Variants in ANK1 observed in about 807,000 individuals in gnomAD.
ANK1 encodes the protein ankyrin-1.
ANK1 carries 51 observed loss-of-function variants against 210.4 expected under a neutral mutation model. The ratio of observed to expected loss-of-function variants is 0.24; its 90% CI spans 0.19 to 0.31. ANK1 has a LOEUF of 0.31. Among genes scored for constraint, ANK1 ranks in the 10% least tolerant of loss-of-function variants. ANK1 has a pLI of 1.00. For synonymous variants in ANK1, 967 were observed against 1,025.9 expected, an observed-to-expected ratio of 0.94 and a Z score of 1.10; for missense variants, 2,051 against 2,504.4, an observed-to-expected ratio of 0.82 and a Z score of 3.86.
chr8:41,668,524 G>C lies in ANK1; in HGVS notation c.5137C>G (p.Leu1713Val), dbSNP rs1028979326. 1 of 1,614,130 alleles carries C rather than the reference G, an allele frequency of 6.2e-7. No individual in the cohort carries two copies. The highest frequency in any genetic ancestry group is 1.3e-5 in the African/African-American group (1 of 75,068). The change falls in exon 39 of 43, where the codon CTG (leucine) becomes GTG (valine). Residue 1713 changes from leucine (L) to valine (V), a missense_variant. This residue lies in a region of ANK1 where 496 missense variants were observed against 533.4 expected (regional missense o/e 0.93). Coordinates refer to ENST00000289734, the MANE Select transcript of ANK1 (RefSeq NM_000037.4). ...WDADGSIVSY[L>V]QDAAQGSWQE... ...CAGGAACCTTGTGCAGCATCTTGCA[G>C]GTATGAGACAATCGAGCCGTCTGCA...
intron 37 of ANK1, among the ~76,000 whole-genome samples, chr8:41,684,287 A>T (rs1817009628): frequency 6.6e-6 from 1 of 152,242 alleles, no homozygotes; most frequent in African/African-American, 2.4e-5. Context: ...GCTGATGGCA[A>T]GGGCCTGGGG....
chr8:41,835,068 T>C (rs888466972), intron 1 of ANK1, among the ~76,000 whole-genome samples: 5 of 152,176 alleles, frequency 3.3e-5, no homozygotes, highest in African/African-American at 1.2e-4. Context: ...AGATGGCGCT[T>C]AGGAATTAGG....
chr8:41,821,153 G>A (rs1029538285), intron 1 of ANK1, among the ~76,000 whole-genome samples: 2 of 152,122 alleles, frequency 1.3e-5, no homozygotes, highest in African/African-American at 4.8e-5. Flanking sequence ...GCATATTCTG[G>A]TCTCCTAAGG....
intron 16 of ANK1, among the ~76,000 whole-genome samples, 171 bp downstream of exon 16, chr8:41,713,985 C>A (rs754550048): frequency 2.6e-5 from 4 of 152,170 alleles, no homozygotes; most frequent in Admixed American, 6.5e-5. Context: ...CCCTGAATAG[C>A]GTGATTACAG....
chr8:41,664,925 C>G (rs2150551018), intron 39 of ANK1: 1 of 1,614,274 alleles, frequency 6.2e-7, no homozygotes, highest in East Asian at 2.2e-5. Context: ...GCACAAAGCA[C>G]AGGGACCCCC....
intron 16 of ANK1, among the ~76,000 whole-genome samples, chr8:41,713,351 C>T (rs920304794): frequency 6.6e-6 from 1 of 152,220 alleles, no homozygotes; most frequent in East Asian, 1.9e-4. Flanking sequence ...TACACAGCCT[C>T]GCCTTCCCAC....
rs1212752084 is a variant in ANK1 at position 41,777,602 on chromosome 8, CAATA to C, written c.28-19469_28-19466del. ...GTCTCAAAAAAACAAAACAAAACAA[CAATA>C]AATAAAAACAAACAAACAAACAAAC... On this transcript the variant is annotated intron_variant, in intron 1 of 42. Coordinates refer to ENST00000289734, the MANE Select transcript of ANK1 (RefSeq NM_000037.4). Among the ~76,000 whole-genome samples, 35 of 150,788 alleles carry C rather than the reference CAATA, an allele frequency of 2.3e-4. 1 individual carries two copies. The highest frequency in any genetic ancestry group is 1.6e-3 in the East Asian group (8 of 5,152).
intron 1 of ANK1, among the ~76,000 whole-genome samples, chr8:41,803,994 GC>G (rs1850560529): frequency 6.6e-6 from 1 of 152,110 alleles, no homozygotes; most frequent in Non-Finnish European, 1.5e-5. Flanking sequence ...TGCTACTGCT[GC>G]ATAACAAAGT....
At chr8:41,796,608 T>C (rs900110744) in intron 1 of ANK1, among the ~76,000 whole-genome samples, 7 of 149,210 alleles carry the variant, frequency 4.7e-5, no homozygotes, top group African/African-American at 1.5e-4. Context: ...AAAAAGAAAT[T>C]CCCGCTTAGT....
chr8:41,886,472 T>C (rs1818457771), intron 1 of ANK1, among the ~76,000 whole-genome samples: 1 of 152,324 alleles, frequency 6.6e-6, no homozygotes, highest in South Asian at 2.1e-4. Context: ...CAGCTCTTCA[T>C]TACTGCTTCC....
chr8:41,808,165 C>T (rs1445992746), intron 1 of ANK1, among the ~76,000 whole-genome samples: 1 of 152,200 alleles, frequency 6.6e-6, no homozygotes, highest in East Asian at 1.9e-4. Context: ...CCTGGGGCTA[C>T]CTGCTGCACC....
intron 3 of ANK1, among the ~76,000 whole-genome samples, chr8:41,728,902 G>C (rs1471472680): frequency 6.6e-6 from 1 of 152,208 alleles, no homozygotes. Context: ...CGGACCTGCA[G>C]CTCCGCTCAG....
intron 1 of ANK1, among the ~76,000 whole-genome samples, chr8:41,796,825 C>A (rs1281708134): frequency 6.6e-6 from 1 of 151,686 alleles, no homozygotes; most frequent in Non-Finnish European, 1.5e-5. Context: ...TGCTGCCAGG[C>A]AGAGATAGGA....
At chr8:41,767,271 C>G (rs1586812511) in intron 1 of ANK1, among the ~76,000 whole-genome samples, 1 of 151,844 alleles carries the variant, frequency 6.6e-6, no homozygotes, top group East Asian at 1.9e-4. Context: ...CGCAGAGCCC[C>G]GGCCCCGGCC....
At chr8:41,728,088 T>C (rs2150663424) in intron 3 of ANK1, 82 bp from the exon 4 acceptor site, 3 of 1,402,068 alleles carry the variant, frequency 2.1e-6, no homozygotes, top group Admixed American at 1.7e-5. Flanking sequence ...GGACAGGTGC[T>C]GCTTGAGGGA....
intron 14 of ANK1, 96 bp from the exon 15 acceptor site, chr8:41,715,170 G>T: frequency 1.7e-6 from 2 of 1,173,136 alleles, no homozygotes; most frequent in Non-Finnish European, 2.5e-6. Context: ...CCGCTGGCAT[G>T]GAGAGGCCAA....
intron 2 of ANK1, among the ~76,000 whole-genome samples, chr8:41,736,388 T>C (rs1359378265): frequency 6.6e-6 from 1 of 152,178 alleles, no homozygotes; most frequent in Non-Finnish European, 1.5e-5. Context: ...GCGAGCTTTT[T>C]CAGGCAGCAC....
At chr8:41,893,805 T>G (rs959956953) in intron 1 of ANK1, among the ~76,000 whole-genome samples, 1 of 152,230 alleles carries the variant, frequency 6.6e-6, no homozygotes, top group Non-Finnish European at 1.5e-5. Context: ...CTCTGTAGTC[T>G]GTGTGAGCAG....
At chr8:41,671,545 C>T (rs982583213) in intron 38 of ANK1, among the ~76,000 whole-genome samples, 1 of 152,032 alleles carries the variant, frequency 6.6e-6, no homozygotes, top group African/African-American at 2.4e-5. Flanking sequence ...ACTAATGGCT[C>T]TAAGTGAGCA....
Sources: gnomAD v4.1 joint callset for allele counts (sites outside exome capture counted in the v4.1 genomes callset) on GRCh38, gnomAD v4.1.1 for gene constraint, gnomAD v4.1.1 regional missense constraint, MANE v1.5 for transcripts, NCBI Gene and HGNC (gene_info 2026-07-23, HGNC 2026-07-21) for gene names.